The following CMPK1 variants were observed in gnomAD, a reference collection of about 807,000 sequenced individuals.
CMPK1 encodes UMP-CMP kinase.
In CMPK1, 10 loss-of-function variants were observed where a neutral mutation model predicts 25.7. That is an observed-to-expected ratio of 0.39 (90% CI 0.24 to 0.66). CMPK1 has a LOEUF of 0.66. Ranked by LOEUF, CMPK1 falls within the 30% of genes least tolerant of loss-of-function variation. The pLI is 0.48. For synonymous variants in CMPK1, 106 were observed against 101.5 expected (o/e 1.04, Z -0.27); for missense variants, 199 against 280.5 (o/e 0.71, Z 2.08).
intron 1 of CMPK1, among the ~76,000 whole-genome samples, chr1:47,366,532 G>C (rs1646640765): frequency 1.3e-5 from 2 of 152,060 alleles, no homozygotes; most frequent in South Asian, 4.1e-4. Flanking sequence ...TAAGAGGAAA[G>C]CATTATTAGC....
chr1:47,334,082 C>T lies in CMPK1; in HGVS notation c.137C>T (p.Ala46Val). The change falls in exon 1 of 6, where the codon GCC (alanine) becomes GTC (valine). Residue 46 changes from alanine to valine, a missense_variant. Physicochemically the swap from Ala to Val is moderately conservative, Grantham distance 64 (BLOSUM62 0). This residue lies in a region of CMPK1 where 140 missense variants were observed against 235.5 expected (regional missense o/e 0.59). Coordinates refer to ENST00000371873, the MANE Select transcript of CMPK1 (RefSeq NM_016308.3). ...GTGTTCGTCCTCGGCGGCCCCGGCG[C>T]CGGCAAGGGGACCCAGTGCGCCCGC... ...LVVFVLGGPGAGKGTQCARIV... is the reference protein window; with the variant it reads ...LVVFVLGGPGVGKGTQCARIV... 6.5e-7 allele frequency: 1 copy of T among 1,538,236 alleles called. No individual in the cohort carries two copies. The highest frequency in any genetic ancestry group is 8.8e-7 in the Non-Finnish European group (1 of 1,141,476).
intron 1 of CMPK1, among the ~76,000 whole-genome samples, chr1:47,335,148 CAA>C (rs950323307): frequency 6.6e-6 from 1 of 152,106 alleles, no homozygotes; most frequent in South Asian, 2.1e-4. Flanking sequence ...CTGTAACCAA[CAA>C]AAGTTTTTTT....
chr1:47,372,785 C>G (rs1340706751), intron 2 of CMPK1, among the ~76,000 whole-genome samples, 170 bp from the exon 3 acceptor site: 6 of 140,610 alleles, frequency 4.3e-5, no homozygotes, highest in African/African-American at 1.7e-4. Flanking sequence ...TCCTTCTAGT[C>G]TTTTTTCTTT....
chr1:47,372,214 T>G (rs989189751), intron 2 of CMPK1, among the ~76,000 whole-genome samples: 1 of 151,940 alleles, frequency 6.6e-6, no homozygotes, highest in Admixed American at 6.6e-5. Flanking sequence ...TGCCTCAGCC[T>G]CCCCAGTAGC....
chr1:47,348,861 C>T (rs941260331), intron 1 of CMPK1, among the ~76,000 whole-genome samples: 2 of 152,102 alleles, frequency 1.3e-5, no homozygotes, highest in African/African-American at 4.8e-5. Context: ...CATGAATTTT[C>T]ATTTTCTTGG....
chr1:47,345,223 T>C (rs1646473994), intron 1 of CMPK1, among the ~76,000 whole-genome samples: 1 of 152,036 alleles, frequency 6.6e-6, no homozygotes, highest in South Asian at 2.1e-4. Context: ...TGGCCTTCAT[T>C]CTACTACATG....
At chr1:47,340,221 A>T (rs1646431114) in intron 1 of CMPK1, among the ~76,000 whole-genome samples, 2 of 151,288 alleles carry the variant, frequency 1.3e-5, no homozygotes, top group Admixed American at 6.6e-5. Flanking sequence ...CCAAGTTGCT[A>T]GGTCTACAGG....
At chr1:47,373,794 A>G (rs1646691375) in intron 3 of CMPK1, among the ~76,000 whole-genome samples, 1 of 151,524 alleles carries the variant, frequency 6.6e-6, no homozygotes, top group Non-Finnish European at 1.5e-5. Context: ...AGACTGTCTC[A>G]AAAAAAAGAA....
At chr1:47,340,904 T>C (rs762575138) in intron 1 of CMPK1, among the ~76,000 whole-genome samples, 2 of 152,188 alleles carry the variant, frequency 1.3e-5, no homozygotes, top group Admixed American at 6.5e-5. Context: ...CCCAAAGTGT[T>C]GGGATTACAG....
intron 1 of CMPK1, among the ~76,000 whole-genome samples, chr1:47,364,432 C>T (rs1480481157): frequency 6.6e-6 from 1 of 151,780 alleles, no homozygotes; most frequent in East Asian, 1.9e-4. Flanking sequence ...ATTCTCCTGC[C>T]TCAGCCTCCC....
At chr1:47,358,285 C>T (rs1557809442) in intron 1 of CMPK1, 7 of 538,210 alleles carry the variant, frequency 1.3e-5, no homozygotes, top group Non-Finnish European at 1.3e-5. Context: ...GCTAATTTTT[C>T]CATTTTTTGT....
intron 1 of CMPK1, among the ~76,000 whole-genome samples, chr1:47,338,541 C>A (rs1646416826): frequency 7.6e-6 from 1 of 132,390 alleles, no homozygotes; most frequent in Non-Finnish European, 1.6e-5. Flanking sequence ...CTCTCCTTCC[C>A]TCCCTCCCTC....
intron 1 of CMPK1, among the ~76,000 whole-genome samples, chr1:47,335,800 C>CGTCACCAGGCTGGAGTGCGGTG (rs1646394266): frequency 2.6e-5 from 4 of 151,770 alleles, no homozygotes; most frequent in Admixed American, 1.3e-4. Flanking sequence ...AGTCTCACTC[C>CGTCACCAGGCTGGAGTGCGGTG]GTCACCAGGC....
chr1:47,356,977 T>C (rs1646564827), intron 1 of CMPK1, among the ~76,000 whole-genome samples: 1 of 150,842 alleles, frequency 6.6e-6, no homozygotes, highest in Non-Finnish European at 1.5e-5. Context: ...TTTTTTTTTT[T>C]TTTTGAGACC....
At chr1:47,342,085 T>C (rs1646445381) in intron 1 of CMPK1, among the ~76,000 whole-genome samples, 1 of 151,360 alleles carries the variant, frequency 6.6e-6, no homozygotes, top group Non-Finnish European at 1.5e-5. Context: ...TAATTATTTT[T>C]TATTTTATTT....
intron 1 of CMPK1, among the ~76,000 whole-genome samples, chr1:47,341,525 C>T (rs559776847): frequency 3.9e-5 from 6 of 152,136 alleles, no homozygotes; most frequent in East Asian, 1.9e-4. Context: ...TGTGCTACCA[C>T]GCCTGGCTAA....
intron 1 of CMPK1, among the ~76,000 whole-genome samples, chr1:47,343,761 G>A (rs1266710540): frequency 6.6e-6 from 1 of 151,838 alleles, no homozygotes; most frequent in East Asian, 1.9e-4. Flanking sequence ...GGTGGCGGGC[G>A]CCTGTAGTCC....
chr1:47,336,007 C>T (rs1646396365), intron 1 of CMPK1, among the ~76,000 whole-genome samples: 1 of 152,176 alleles, frequency 6.6e-6, no homozygotes, highest in East Asian at 1.9e-4. Context: ...GTGATCTGCC[C>T]GCCTCAGCCT....
chr1:47,378,497 C>G lies in CMPK1; in HGVS notation c.*1752C>G, dbSNP rs1646722044. On this transcript the variant is annotated 3_prime_UTR_variant, in exon 6 of 6. Coordinates refer to ENST00000371873, the MANE Select transcript of CMPK1 (RefSeq NM_016308.3). ...AAAGTTTTGAAGAAGACTGATGAGA[C>G]TAGGTGCTTTGCTTCCTTTCATCAG... is the stretch of plus-strand genomic sequence containing the variant. The G allele has an allele frequency of 1.3e-5, 2 of 152,196 alleles. No individual in the cohort carries two copies. Among genetic ancestry groups the G allele is most frequent in the African/African-American group, 2.4e-5 (1 of 41,458 alleles). 9.4% of individuals were successfully genotyped at this position (152,196 alleles called of 1,614,324 possible). A position where few individuals can be genotyped will look rare whatever the true frequency, so the allele number is the denominator to read the frequency against.
Sources: allele counts gnomAD v4.1 joint callset (sites outside exome capture counted in the v4.1 genomes callset), GRCh38; gene constraint gnomAD v4.1.1; regional missense constraint gnomAD v4.1.1; transcripts MANE v1.5; gene names NCBI Gene and HGNC (gene_info 2026-07-23, HGNC 2026-07-21).